Variants in CD109 observed in about 807,000 individuals in gnomAD.
CD109 encodes CD109 antigen.
A neutral mutation model predicts 165.8 loss-of-function variants in CD109; 149 were observed. That is an observed-to-expected ratio of 0.90 (90% confidence interval 0.79 to 1.03). The LOEUF (loss-of-function observed/expected upper bound fraction) is 1.03. CD109 is among the 50% of genes least tolerant of loss of function. The pLI, the probability that CD109 is intolerant of heterozygous loss-of-function variation, is 0.00. For synonymous variants in CD109, 585 were observed against 592.1 expected (o/e 0.99, Z 0.18); for missense variants, 1,712 against 1,677.8 (o/e 1.02, Z -0.36).
chr6:73,817,586 T>C (rs1775983688), intron 30 of CD109, among the ~76,000 whole-genome samples: 1 of 152,252 alleles, frequency 6.6e-6, no homozygotes, highest in South Asian at 2.1e-4. Flanking sequence ...CAACAGGTAC[T>C]AACTTAATGC....
chr6:73,697,338 C>A, intron 1 of CD109, 62 bp from the exon 2 acceptor site: 1 of 1,508,488 alleles, frequency 6.6e-7, no homozygotes. Flanking sequence ...ATCTGAGGGT[C>A]ACAAAAGAAA....
At chr6:73,766,905 T>C in intron 12 of CD109, 43 bp from the exon 13 acceptor site, 1 of 1,609,500 alleles carries the variant, frequency 6.2e-7, no homozygotes, top group Non-Finnish European at 8.5e-7. Context: ...AATTGGACTA[T>C]CTTGCTTTTG....
rs1772243114 is a variant in CD109, at chr6:73,728,968, G to C, written c.277-1376G>C. On this transcript the variant is annotated intron_variant, in intron 3 of 32. Transcript: ENST00000287097. ...CATTTCTGATTTGGAGTCTCACGAG[G>C]TTGCAATCAAGATATCAGCTAGGGC... Among the ~76,000 whole-genome samples, 3 of 152,332 alleles carry C rather than the reference G, an allele frequency of 2.0e-5. No individual in the cohort carries two copies. In the South Asian group the frequency reaches 6.2e-4, roughly 32 times the overall value.
chr6:73,794,557 A>G (rs1482518167), intron 23 of CD109, among the ~76,000 whole-genome samples: 1 of 152,164 alleles, frequency 6.6e-6, no homozygotes, highest in Non-Finnish European at 1.5e-5. Context: ...TCAGTGTCTG[A>G]AGATCTCCCT....
rs1770890655 is a variant in CD109 at position 73,697,441 on chromosome 6, G to T, written c.116G>T (p.Gly39Val). ...LVTAPGIIRP[G>V]GNVTIGVELL... ...ACAGCCCCAGGGATCATCAGGCCCG[G>T]AGGAAATGTGACTATTGGGGTGGAG... is the stretch of plus-strand genomic sequence containing the variant. The change falls in exon 2 of 33, where the codon GGA becomes GTA. Residue 39 changes from glycine (G) to valine (V), a missense_variant. Physicochemically the swap from Gly to Val is moderately radical, Grantham distance 109 (BLOSUM62 -3). Coordinates refer to ENST00000287097, the MANE Select transcript of CD109 (RefSeq NM_133493.5). The T allele has an allele frequency of 6.2e-7, 1 of 1,614,048 alleles. No homozygotes were observed. The highest frequency in any genetic ancestry group is 1.7e-5 in the Admixed American group (1 of 60,004).
chr6:73,710,197 T>C (rs1317792214), intron 2 of CD109, among the ~76,000 whole-genome samples: 1 of 152,168 alleles, frequency 6.6e-6, no homozygotes, highest in African/African-American at 2.4e-5. Flanking sequence ...AAAACCCCAT[T>C]GTCTCAGCCC....
At chr6:73,713,430 T>G (rs1771607639) in intron 2 of CD109, among the ~76,000 whole-genome samples, 1 of 152,094 alleles carries the variant, frequency 6.6e-6, no homozygotes, top group African/African-American at 2.4e-5. Flanking sequence ...TTATTTTTTT[T>G]TTAATAGAGA....
chr6:73,692,944 T>C (rs1562013491), upstream of CD109, among the ~76,000 whole-genome samples: 1 of 152,206 alleles, frequency 6.6e-6, no homozygotes, highest in Non-Finnish European at 1.5e-5. Context: ...GTCTCAGGTA[T>C]GTCTTTATTA....
chr6:73,729,638 G>A (rs553265861), intron 3 of CD109, among the ~76,000 whole-genome samples: 14 of 151,728 alleles, frequency 9.2e-5, no homozygotes, highest in South Asian at 2.1e-4. Flanking sequence ...TCAGCCTCCC[G>A]GAGTAGCTGG....
intron 2 of CD109, among the ~76,000 whole-genome samples, chr6:73,703,960 G>T (rs1771169706): frequency 6.6e-6 from 1 of 152,162 alleles, no homozygotes; most frequent in Admixed American, 6.5e-5. Context: ...CAAGGTAGGT[G>T]GATCACTTGA....
At chr6:73,700,595 A>T (rs993701421) in intron 2 of CD109, among the ~76,000 whole-genome samples, 2 of 152,096 alleles carry the variant, frequency 1.3e-5, no homozygotes, top group African/African-American at 4.8e-5. Flanking sequence ...TAATAACTAA[A>T]TTGTTCAAAT....
chr6:73,723,782 G>A (rs959016018), intron 3 of CD109, among the ~76,000 whole-genome samples: 5 of 152,264 alleles, frequency 3.3e-5, no homozygotes, highest in African/African-American at 7.2e-5. Context: ...AGGAAAAATA[G>A]CTAATGGGTT....
chr6:73,710,846 A>G (rs868591114), intron 2 of CD109, among the ~76,000 whole-genome samples: 22 of 152,198 alleles, frequency 1.4e-4, no homozygotes, highest in South Asian at 2.1e-4. Flanking sequence ...GGTCTTTATT[A>G]CAGCTGCTCA....
intron 31 of CD109, 139 bp downstream of exon 31, chr6:73,818,674 C>G (rs1776019149): frequency 1.4e-6 from 1 of 724,888 alleles, no homozygotes; most frequent in Non-Finnish European, 2.2e-6. Flanking sequence ...AACATGGCAA[C>G]CATATATTTA....
intron 17 of CD109, among the ~76,000 whole-genome samples, chr6:73,781,993 T>G (rs1291584910): frequency 6.6e-6 from 1 of 152,210 alleles, no homozygotes; most frequent in Non-Finnish European, 1.5e-5. Flanking sequence ...ATGTATAAAT[T>G]AGAATGGTTA....
upstream of CD109, among the ~76,000 whole-genome samples, chr6:73,692,773 A>G (rs1431339427): frequency 6.6e-6 from 1 of 152,142 alleles, no homozygotes; most frequent in Non-Finnish European, 1.5e-5. Flanking sequence ...TTCACGAAAT[A>G]TGATGGTTTT....
intron 5 of CD109, among the ~76,000 whole-genome samples, chr6:73,745,587 G>A (rs948705884): frequency 1.3e-5 from 2 of 152,210 alleles, no homozygotes; most frequent in South Asian, 2.1e-4. Flanking sequence ...CAGCAGCCAT[G>A]TGTTTAGATT....
chr6:73,813,070 C>T (rs1177757954), intron 29 of CD109, among the ~76,000 whole-genome samples: 2 of 152,064 alleles, frequency 1.3e-5, no homozygotes, highest in African/African-American at 2.4e-5. Flanking sequence ...CCTTGCTAAG[C>T]AGGTATAATT....
intron 3 of CD109, among the ~76,000 whole-genome samples, chr6:73,726,365 T>A (rs1190161171): frequency 5.3e-5 from 8 of 152,196 alleles, no homozygotes; most frequent in Non-Finnish European, 1.2e-4. Context: ...GCAGAAAAAC[T>A]TCTTTTGTTC....
Sources: allele counts gnomAD v4.1 joint callset (sites outside exome capture counted in the v4.1 genomes callset), GRCh38; gene constraint gnomAD v4.1.1; transcripts MANE v1.5; gene names NCBI Gene and HGNC (gene_info 2026-07-23, HGNC 2026-07-21).